Variants in MGARP observed in about 807,000 individuals in gnomAD.
The protein encoded by MGARP is mitochondria localized glutamic acid rich protein, also known as protein MGARP.
Under a neutral mutation model 11.0 loss-of-function variants are expected in MGARP, and 12 were observed. That is an observed-to-expected ratio of 1.09 (90% CI 0.70 to 1.77). The LOEUF (loss-of-function observed/expected upper bound fraction) is 1.77. Among genes scored for constraint, MGARP ranks in the 40% most tolerant of loss-of-function variants. MGARP has a pLI of 0.00. For missense variants in MGARP, 283 were observed against 297.8 expected (o/e 0.95, Z 0.36); for synonymous variants, 110 against 115.4 (o/e 0.95, Z 0.30).
intron 1 of MGARP, among the ~76,000 whole-genome samples, chr4:139,276,690 T>A (rs1015899167): frequency 2.6e-5 from 4 of 151,990 alleles, no homozygotes; most frequent in Non-Finnish European, 4.4e-5. Context: ...TACAAAAAAA[T>A]TTTATAATAT....
At chr4:139,268,807 A>G (rs911951969) in intron 2 of MGARP, 42 bp from the exon 3 acceptor site, 25 of 1,478,738 alleles carry the variant, frequency 1.7e-5, no homozygotes, top group Non-Finnish European at 2.2e-5. Context: ...TTGAGCTTTA[A>G]GATTTGTCAC....
intron 2 of MGARP, among the ~76,000 whole-genome samples, chr4:139,270,609 A>AAG (rs1560931268): frequency 1.4e-5 from 1 of 73,528 alleles, no homozygotes; most frequent in East Asian, 2.7e-4. Context: ...ACCGCGTCTG[A>AAG]AAAAAAAAAA....
intron 2 of MGARP, among the ~76,000 whole-genome samples, chr4:139,273,165 TGCTG>T (rs2110731941): frequency 6.6e-6 from 1 of 152,246 alleles, no homozygotes; most frequent in East Asian, 1.9e-4. Flanking sequence ...GCCTCCAACG[TGCTG>T]GGATTATAGG....
intron 2 of MGARP, among the ~76,000 whole-genome samples, chr4:139,273,730 T>A (rs889799916): frequency 6.6e-6 from 1 of 151,996 alleles, no homozygotes; most frequent in Non-Finnish European, 1.5e-5. Flanking sequence ...GCCAGGCTGG[T>A]CTTGAACTCC....
Position 139,266,827 on chromosome 4 carries a change from C to T in MGARP, c.495G>A (p.Ala165=), listed in dbSNP as rs778255309. The part of the protein sequence containing the change: ...ETGPEVTDAA[A]RETTEVNPET... ...CAGGGTTTACTTCCGTGGTTTCCCTCGCCGCTGCATCTGTGACCTCTGGCC... is the reference window on the plus strand; with the variant it reads ...CAGGGTTTACTTCCGTGGTTTCCCTTGCCGCTGCATCTGTGACCTCTGGCC... The change falls in exon 4 of 4, where the codon GCG becomes GCA. Residue 165 remains alanine, a synonymous_variant. Coordinates refer to ENST00000398955, the MANE Select transcript of MGARP (RefSeq NM_032623.4). 9 of 1,613,596 alleles carry T rather than the reference C, an allele frequency of 5.6e-6. No individual in the cohort carries two copies. In the South Asian group the frequency reaches 6.6e-5, roughly 12 times the overall value.
At chr4:139,277,674 T>C (rs1168102936) in intron 1 of MGARP, among the ~76,000 whole-genome samples, 1 of 152,136 alleles carries the variant, frequency 6.6e-6, no homozygotes, top group Non-Finnish European at 1.5e-5. Flanking sequence ...TGCAGAACAA[T>C]ATTTACTTAC....
At chr4:139,271,561 T>C (rs918139580) in intron 2 of MGARP, among the ~76,000 whole-genome samples, 1 of 152,130 alleles carries the variant, frequency 6.6e-6, no homozygotes, top group Non-Finnish European at 1.5e-5. Context: ...TCTTTCAGAT[T>C]CCAATGACCC....
intron 1 of MGARP, 81 bp from the exon 2 acceptor site, chr4:139,275,473 T>C (rs1022742472): frequency 2.7e-6 from 3 of 1,095,850 alleles, no homozygotes; most frequent in African/African-American, 1.6e-5. Context: ...TCAAAATTTT[T>C]CTACTCAGTG....
chr4:139,266,576 C>G lies in MGARP; in HGVS notation c.*23G>C, dbSNP rs757326727. On this transcript the variant is annotated 3_prime_UTR_variant, in exon 4 of 4. Transcript: ENST00000398955. ...ATCAGACACCCTATGGCATTTGTTG[C>G]TGAAATGTCTACCGGCTGGAGATTA... 6.3e-7 allele frequency: 1 copy of G among 1,598,592 alleles called. No homozygotes were observed. Among genetic ancestry groups the G allele is most frequent in the African/African-American group, 1.3e-5 (1 of 74,266 alleles).
intron 3 of MGARP, among the ~76,000 whole-genome samples, chr4:139,267,249 G>T (rs142234363): frequency 6.6e-6 from 1 of 152,090 alleles, no homozygotes; most frequent in Non-Finnish European, 1.5e-5. Context: ...GAGCAGGAGG[G>T]GGGTAAGTTG....
At position 139,275,332 on chromosome 4, in the gene MGARP, T is replaced by C; in HGVS notation, c.143A>G (p.Tyr48Cys). Reference protein sequence around the residue: ...FPGSSGSNMIYYLVVGVTVSA... With the variant: ...FPGSSGSNMICYLVVGVTVSA... ...GACTGTGACGCCTACAACCAGATAA[T>C]AAATCATATTTGATCCAGATGATCC... Residue 48 changes from tyrosine to cysteine, a missense_variant, in exon 2 of 4, where the codon TAT becomes TGT. Physicochemically the swap from Tyr to Cys is radical, Grantham distance 194. Coordinates refer to ENST00000398955, the MANE Select transcript of MGARP (RefSeq NM_032623.4). The C allele has an allele frequency of 6.2e-7, 1 of 1,614,084 alleles. No homozygotes were observed. Among genetic ancestry groups the C allele is most frequent in the Non-Finnish European group, 8.5e-7 (1 of 1,179,986 alleles).
At chr4:139,271,003 T>C (rs1744772133) in intron 2 of MGARP, among the ~76,000 whole-genome samples, 1 of 152,096 alleles carries the variant, frequency 6.6e-6, no homozygotes, top group African/African-American at 2.4e-5. Context: ...TTAGGGAGAA[T>C]TGAAGAGATA....
At chr4:139,276,366 T>A (rs1273413262) in intron 1 of MGARP, among the ~76,000 whole-genome samples, 2 of 152,180 alleles carry the variant, frequency 1.3e-5, no homozygotes, top group African/African-American at 4.8e-5. Flanking sequence ...TAATAAGTGT[T>A]AAGCCAAGCT....
intron 1 of MGARP, among the ~76,000 whole-genome samples, chr4:139,277,734 C>G (rs1309078824): frequency 6.6e-6 from 1 of 151,896 alleles, no homozygotes; most frequent in African/African-American, 2.4e-5. Flanking sequence ...GCAAAATACT[C>G]TGGGACTATC....
Position 139,280,165 on chromosome 4 carries a change from C to G in MGARP, c.-7G>C. ...CCGCCCTGCGGAGATACATCGCGCC[C>G]GCTGTCCGCCGCGCAGCAGCCTCGG... On this transcript the variant is annotated 5_prime_UTR_variant, in exon 1 of 4. Coordinates refer to ENST00000398955, the MANE Select transcript of MGARP (RefSeq NM_032623.4). 1 of 1,604,888 alleles carries G rather than the reference C, an allele frequency of 6.2e-7. No individual in the cohort carries two copies. Among genetic ancestry groups the G allele is most frequent in the Non-Finnish European group, 8.5e-7 (1 of 1,177,200 alleles).
chr4:139,273,646 C>T (rs1243665360), intron 2 of MGARP, among the ~76,000 whole-genome samples: 1 of 151,508 alleles, frequency 6.6e-6, no homozygotes, highest in Non-Finnish European at 1.5e-5. Context: ...TCCTGAGTAG[C>T]TATGATTACA....
chr4:139,268,699 T>C lies in MGARP; in HGVS notation c.253A>G (p.Thr85Ala), dbSNP rs1303088336. Reference protein sequence around the residue: ...TEHKTNLKEKTKAEIHPFQGE... With the variant: ...TEHKTNLKEKAKAEIHPFQGE... ...TGAAATGGATGTATCTCTGCTTTTG[T>C]TTTTTCTTTCAAATTTGTTTTATGT... The change falls in exon 3 of 4, where the codon ACA becomes GCA. Residue 85 changes from threonine (T) to alanine (A), a missense_variant. Physicochemically the swap from Thr to Ala is moderately conservative, Grantham distance 58. Transcript: ENST00000398955. 1 of 1,610,388 alleles carries C rather than the reference T, an allele frequency of 6.2e-7. No individual in the cohort carries two copies. The highest frequency in any genetic ancestry group is 1.7e-5 in the Admixed American group (1 of 59,684).
intron 2 of MGARP, among the ~76,000 whole-genome samples, chr4:139,272,561 C>CA (rs35412789): frequency 0.026 from 2,854 of 109,278 alleles, 65 homozygotes; most frequent in African/African-American, 0.03. Flanking sequence ...TGTCCCCTCC[C>CA]AAAAAAAAAA....
chr4:139,280,170 T>C lies in MGARP; in HGVS notation c.-12A>G. 6.2e-7 allele frequency: 1 copy of C among 1,604,892 alleles called. No homozygotes were observed. The highest frequency in any genetic ancestry group is 8.5e-7 in the Non-Finnish European group (1 of 1,177,262). On this transcript the variant is annotated 5_prime_UTR_variant, in exon 1 of 4. Transcript: ENST00000398955. The stretch of plus-strand genomic sequence containing the variant: ...CTGCGGAGATACATCGCGCCCGCTG[T>C]CCGCCGCGCAGCAGCCTCGGTACCC...
Sources: allele counts gnomAD v4.1 joint callset (sites outside exome capture counted in the v4.1 genomes callset), GRCh38; gene constraint gnomAD v4.1.1; transcripts MANE v1.5; gene names NCBI Gene and HGNC (gene_info 2026-07-23, HGNC 2026-07-21).